Variants in ALK observed in about 807,000 individuals in gnomAD.
ALK encodes ALK tyrosine kinase receptor.
Under a neutral mutation model 163.1 loss-of-function variants are expected in ALK, and 74 were observed. The ratio of observed to expected loss-of-function variants is 0.45; its 90% CI spans 0.38 to 0.55. The LOEUF (loss-of-function observed/expected upper bound fraction) is 0.55, where lower values mean the gene tolerates loss of function less well. Ranked by LOEUF, ALK falls within the 20% of genes least tolerant of loss-of-function variation. ALK has a pLI of 0.00. For synonymous variants in ALK, 960 were observed against 843.2 expected (o/e 1.14, Z -2.40); for missense variants, 2,063 against 2,105.3 (o/e 0.98, Z 0.39).
At chr2:29,289,932 G>A (rs963387780) in intron 9 of ALK, among the ~76,000 whole-genome samples, 8 of 152,308 alleles carry the variant, frequency 5.3e-5, no homozygotes, top group Admixed American at 2.0e-4. Flanking sequence ...CCCAGGACTC[G>A]TGTTCTGTGA....
At chr2:29,327,819 G>C (rs923268970) in intron 6 of ALK, among the ~76,000 whole-genome samples, 2 of 152,194 alleles carry the variant, frequency 1.3e-5, no homozygotes, top group East Asian at 1.9e-4. Flanking sequence ...TGGTACTTGT[G>C]GGGGATGGCC....
At chr2:29,540,421 AGCT>A (rs1673381646) in intron 3 of ALK, among the ~76,000 whole-genome samples, 1 of 152,102 alleles carries the variant, frequency 6.6e-6, no homozygotes, top group Non-Finnish European at 1.5e-5. Context: ...GTTCCAACAA[AGCT>A]AACTTATAAG....
intron 4 of ALK, among the ~76,000 whole-genome samples, chr2:29,423,068 A>C (rs1292130249): frequency 1.3e-5 from 2 of 152,202 alleles, no homozygotes; most frequent in Non-Finnish European, 2.9e-5. Context: ...CTGCCAGAAG[A>C]AGGAGAAAGA....
intron 4 of ALK, among the ~76,000 whole-genome samples, chr2:29,414,334 C>T (rs1304099217): frequency 2.0e-5 from 3 of 152,186 alleles, no homozygotes; most frequent in Admixed American, 2.0e-4. Context: ...TAGAAGACCA[C>T]TTAGCTAAAC....
chr2:29,743,524 C>T (rs889252798), intron 1 of ALK, among the ~76,000 whole-genome samples: 1 of 152,178 alleles, frequency 6.6e-6, no homozygotes, highest in Non-Finnish European at 1.5e-5. Flanking sequence ...TGGAACAGCC[C>T]GGATCACTTT....
chr2:29,249,753 G>A lies in ALK; in HGVS notation c.2204+1352C>T, dbSNP rs149995561. 2.1e-3 allele frequency among the ~76,000 whole-genome samples: 325 copies of A among 152,226 alleles called. 1 individual carries two copies. Among genetic ancestry groups the A allele is most frequent in the Non-Finnish European group, 3.3e-3 (222 of 68,000 alleles). On this transcript the variant is annotated intron_variant, in intron 12 of 28. Coordinates refer to ENST00000389048, the MANE Select transcript of ALK (RefSeq NM_004304.5). ...CCTCTCCAGGAGTCCTTTCCTCCCC[G>A]CCCTGGGCCCCACGGAGGCTTGGCT...
chr2:29,904,265 G>T (rs569810974), intron 1 of ALK, among the ~76,000 whole-genome samples: 1 of 152,026 alleles, frequency 6.6e-6, no homozygotes, highest in Non-Finnish European at 1.5e-5. Flanking sequence ...CAAAAGATTC[G>T]CTGGTTCAAT....
At chr2:29,885,850 G>A (rs542173477) in intron 1 of ALK, among the ~76,000 whole-genome samples, 1 of 152,256 alleles carries the variant, frequency 6.6e-6, no homozygotes, top group Admixed American at 6.5e-5. Flanking sequence ...AGTACATGGT[G>A]GAAGAAGAAT....
At chr2:29,278,862 CT>C (rs1292200276) in intron 9 of ALK, among the ~76,000 whole-genome samples, 1 of 152,216 alleles carries the variant, frequency 6.6e-6, no homozygotes, top group East Asian at 1.9e-4. Context: ...ATCTCCTAAT[CT>C]GTCATTCACA....
At chr2:29,624,215 G>A (rs866649487) in intron 3 of ALK, among the ~76,000 whole-genome samples, 4 of 47,448 alleles carry the variant, frequency 8.4e-5, no homozygotes, top group Middle Eastern at 0.013. Context: ...GAGACCTTTT[G>A]GGTGGAGATG....
At chr2:29,679,400 G>A (rs150483768) in intron 3 of ALK, among the ~76,000 whole-genome samples, 8 of 150,592 alleles carry the variant, frequency 5.3e-5, no homozygotes, top group South Asian at 2.1e-4. Context: ...CATTTTAATC[G>A]TTTATTTATT....
At chr2:29,743,347 G>A (rs2631979) in intron 1 of ALK, among the ~76,000 whole-genome samples, 98,599 of 152,102 alleles carry the variant, frequency 0.65, 35,616 homozygotes, top group East Asian at 0.82. Flanking sequence ...TTTTCAGACT[G>A]GCCTTTGCTC....
chr2:29,848,076 T>C (rs1205129204), intron 1 of ALK, among the ~76,000 whole-genome samples: 1 of 152,086 alleles, frequency 6.6e-6, no homozygotes, highest in African/African-American at 2.4e-5. Flanking sequence ...TCTTGGCTGC[T>C]GGTGAGGCTC....
intron 1 of ALK, among the ~76,000 whole-genome samples, chr2:29,725,172 A>AAAAAG (rs1230240144): frequency 6.6e-6 from 1 of 151,436 alleles, no homozygotes; most frequent in Non-Finnish European, 1.5e-5. Flanking sequence ...AAAAAAAAAA[A>AAAAAG]AGGAATCACA....
At chr2:29,424,020 G>A (rs553510604) in intron 4 of ALK, among the ~76,000 whole-genome samples, 19 of 151,570 alleles carry the variant, frequency 1.3e-4, no homozygotes, top group Non-Finnish European at 2.6e-4. Context: ...TTCATGTATC[G>A]CACATAAATA....
intron 3 of ALK, among the ~76,000 whole-genome samples, chr2:29,689,619 AG>A (rs1216297108): frequency 1.3e-5 from 2 of 152,192 alleles, no homozygotes; most frequent in South Asian, 2.1e-4. Flanking sequence ...ACCCAGACGC[AG>A]GGGGAGAAAA....
chr2:29,200,837 G>GTGTATATATATATACGTATATATA (rs1558608974), intron 26 of ALK, among the ~76,000 whole-genome samples: 5 of 62,776 alleles, frequency 8.0e-5, no homozygotes, highest in Non-Finnish European at 6.5e-5. Flanking sequence ...GTATATATAT[G>GTGTATATATATATACGTATATATA]TGTGTGTATA....
intron 9 of ALK, among the ~76,000 whole-genome samples, chr2:29,279,638 G>A (rs189221403): frequency 2.6e-5 from 4 of 152,252 alleles, no homozygotes; most frequent in Admixed American, 6.5e-5. Context: ...CCCTACTTTC[G>A]AAGGTGCCTG....
intron 5 of ALK, among the ~76,000 whole-genome samples, chr2:29,351,902 C>T (rs1337645015): frequency 6.6e-6 from 1 of 152,170 alleles, no homozygotes; most frequent in Non-Finnish European, 1.5e-5. Flanking sequence ...TCCCAGGACT[C>T]TCCTGTTTGG....
Sources: gnomAD v4.1 joint callset for allele counts (sites outside exome capture counted in the v4.1 genomes callset) on GRCh38, gnomAD v4.1.1 for gene constraint, MANE v1.5 for transcripts, NCBI Gene and HGNC (gene_info 2026-07-23, HGNC 2026-07-21) for gene names.